EMX2: variants seen among roughly 807,000 people sequenced by gnomAD.
The protein encoded by EMX2 is empty spiracles homeobox 2, also known as homeobox protein EMX2.
A neutral mutation model predicts 23.0 loss-of-function variants in EMX2; 6 were observed. That is an observed-to-expected ratio of 0.26 (90% CI 0.14 to 0.52). EMX2 has a LOEUF of 0.52. Ranked by LOEUF, EMX2 falls within the 20% of genes least tolerant of loss-of-function variation. The pLI is 0.97. For missense variants in EMX2, 302 were observed against 341.4 expected (o/e 0.88, Z 0.91); for synonymous variants, 175 against 153.3 (o/e 1.14, Z -1.04).
intron 2 of EMX2, among the ~76,000 whole-genome samples, chr10:117,547,695 T>C (rs1846599116): frequency 6.6e-6 from 1 of 152,250 alleles, no homozygotes; most frequent in Non-Finnish European, 1.5e-5. Flanking sequence ...ATGTCTCTTT[T>C]TCTTTTAATC....
rs1187128667 is a variant in EMX2, at chr10:117,549,217, T to C, written c.*985T>C. The C allele has an allele frequency of 6.6e-6, 1 of 152,624 alleles. No individual in the cohort carries two copies. Among genetic ancestry groups the C allele is most frequent in the Admixed American group, 6.5e-5 (1 of 15,282 alleles). 9.5% of individuals were successfully genotyped at this position (152,624 alleles called of 1,614,324 possible). ...TGATGCAAACTTCTCCTTTCAGTGG[T>C]TGGAGAAATTGGCCGAGTTCAACCA... On this transcript the variant is annotated 3_prime_UTR_variant, in exon 3 of 3. Coordinates refer to ENST00000553456, the MANE Select transcript of EMX2 (RefSeq NM_004098.4).
chr10:117,545,965 GTC>G, intron 2 of EMX2, 149 bp downstream of exon 2: 1 of 1,151,502 alleles, frequency 8.7e-7, no homozygotes, highest in Non-Finnish European at 1.2e-6. Flanking sequence ...CGGGATGTAT[GTC>G]TCAAGGTGCT....
chr10:117,547,533 C>T (rs905829824), intron 2 of EMX2, among the ~76,000 whole-genome samples: 2 of 152,182 alleles, frequency 1.3e-5, no homozygotes, highest in African/African-American at 4.8e-5. Flanking sequence ...TGATCGCCTA[C>T]CCAGGGCCCC....
Position 117,544,196 on chromosome 10 carries a change from C to T in EMX2, c.406+523C>T, listed in dbSNP as rs74159309. 1,613 of 176,732 alleles carry T rather than the reference C, an allele frequency of 9.1e-3. 23 individuals are homozygous for T. Among genetic ancestry groups the T allele is most frequent in the African/African-American group, 0.036 (1,492 of 41,726 alleles). 10.9% of individuals were successfully genotyped at this position (176,732 alleles called of 1,614,324 possible). On this transcript the variant is annotated intron_variant, in intron 1 of 2. Coordinates refer to ENST00000553456, the MANE Select transcript of EMX2 (RefSeq NM_004098.4). ...TGGAGGCGAGAGGATCCTCGCGCCC[C>T]GGGAGAAAAGTATGGGATTTGTTTT...
At chr10:117,544,080 G>C (rs931465344) in intron 1 of EMX2, among the ~76,000 whole-genome samples, 1 of 152,258 alleles carries the variant, frequency 6.6e-6, no homozygotes, top group Non-Finnish European at 1.5e-5. Context: ...TCGGCCGCCA[G>C]GCTTGCTTTC....
At chr10:117,547,534 C>G (rs1454602677) in intron 2 of EMX2, among the ~76,000 whole-genome samples, 2 of 152,276 alleles carry the variant, frequency 1.3e-5, no homozygotes, top group African/African-American at 4.8e-5. Context: ...GATCGCCTAC[C>G]CAGGGCCCCC....
chr10:117,545,930 T>C (rs1846572762), intron 2 of EMX2, 114 bp downstream of exon 2: 1 of 1,432,078 alleles, frequency 7.0e-7, no homozygotes, highest in Admixed American at 1.9e-5. Flanking sequence ...GCACAGGTCC[T>C]GGTAGCTGGT....
chr10:117,546,998 T>C (rs1846587766), intron 2 of EMX2, among the ~76,000 whole-genome samples: 1 of 152,176 alleles, frequency 6.6e-6, no homozygotes, highest in Non-Finnish European at 1.5e-5. Context: ...CCAGATAGAA[T>C]AGGAGTTGTG....
intron 1 of EMX2, among the ~76,000 whole-genome samples, chr10:117,544,131 T>G (rs563280265): frequency 6.6e-6 from 1 of 152,330 alleles, no homozygotes; most frequent in African/African-American, 2.4e-5. Context: ...TTGCGCCCCT[T>G]CAGTCCAGAC....
At chr10:117,544,922 C>T (rs1385524187) in intron 1 of EMX2, 3 of 152,168 alleles carry the variant, frequency 2.0e-5, no homozygotes, top group Non-Finnish European at 4.4e-5. Context: ...CTGGGATCTT[C>T]CTGCGTTACA....
chr10:117,543,501 G>T lies in EMX2; in HGVS notation c.234G>T (p.Pro78=). 6.5e-7 allele frequency: 1 copy of T among 1,546,248 alleles called. No individual in the cohort carries two copies. The change falls in exon 1 of 3, where the codon CCG becomes CCT. Residue 78 remains proline, a synonymous_variant. Transcript: ENST00000553456. ...DLVFAEAVSH[P]PNPAVPVHPV... The stretch of plus-strand genomic sequence containing the variant: ...TGTTCGCCGAGGCGGTCTCGCACCC[G>T]CCCAACCCCGCCGTGCCAGTGCACC...
Position 117,543,508 on chromosome 10 carries a change from C to A in EMX2, c.241C>A (p.Pro81Thr), listed in dbSNP as rs776990556. ...CGAGGCGGTCTCGCACCCGCCCAAC[C>A]CCGCCGTGCCAGTGCACCCGGTGCC... The part of the protein sequence containing the change: ...FAEAVSHPPN[P>T]AVPVHPVPPP... The change falls in exon 1 of 3, where the codon CCC becomes ACC. Residue 81 changes from proline (P) to threonine (T), a missense_variant. Pro to Thr is a conservative substitution (Grantham distance 38). This residue lies in a region of EMX2 where 221 missense variants were observed against 206.8 expected (regional missense o/e 1.07). Coordinates refer to ENST00000553456, the MANE Select transcript of EMX2 (RefSeq NM_004098.4). 6.2e-7 allele frequency: 1 copy of A among 1,610,090 alleles called. No homozygotes were observed. The highest frequency in any genetic ancestry group is 8.5e-7 in the Non-Finnish European group (1 of 1,178,374).
intron 2 of EMX2, 81 bp downstream of exon 2, chr10:117,545,897 A>G (rs1291045209): frequency 6.3e-7 from 1 of 1,591,570 alleles, no homozygotes; most frequent in African/African-American, 1.3e-5. Flanking sequence ...ACCCATGAGC[A>G]CGGAGCTCTG....
rs1483169795 is a variant in EMX2, at chr10:117,548,679, A to G, written c.*447A>G. On this transcript the variant is annotated 3_prime_UTR_variant, in exon 3 of 3. Coordinates refer to ENST00000553456, the MANE Select transcript of EMX2 (RefSeq NM_004098.4). ...TTTATCACAGTCCACTTAAAAAATG[A>G]TGATGATGATAAAAACCACGACCCA... The G allele has an allele frequency of 4.8e-6, 2 of 415,068 alleles. No individual in the cohort carries two copies. The highest frequency in any genetic ancestry group is 4.0e-5 in the Admixed American group (1 of 25,214). 25.7% of individuals were successfully genotyped at this position (415,068 alleles called of 1,614,324 possible).
chr10:117,546,655 C>G (rs1207254299), intron 2 of EMX2, among the ~76,000 whole-genome samples: 1 of 152,252 alleles, frequency 6.6e-6, no homozygotes, highest in African/African-American at 2.4e-5. Context: ...AGGCGCGGCC[C>G]GGCTGATTTC....
intron 1 of EMX2, among the ~76,000 whole-genome samples, chr10:117,544,128 C>G (rs996869772): frequency 1.3e-5 from 2 of 152,230 alleles, no homozygotes; most frequent in African/African-American, 2.4e-5. Flanking sequence ...ACTTTGCGCC[C>G]CTTCAGTCCA....
intron 2 of EMX2, among the ~76,000 whole-genome samples, chr10:117,546,607 C>A (rs1399452267): frequency 6.6e-6 from 1 of 152,232 alleles, no homozygotes; most frequent in Non-Finnish European, 1.5e-5. Context: ...ACCCCAAAAC[C>A]GAGGAGGGCC....
chr10:117,545,884 C>A, intron 2 of EMX2, 68 bp downstream of exon 2: 1 of 1,604,584 alleles, frequency 6.2e-7, no homozygotes. Context: ...GGCTCCCAAG[C>A]ACACCCATGA....
At position 117,548,828 on chromosome 10, in the gene EMX2, T is replaced by C. The variant is rs2133971792; in HGVS notation, c.*596T>C. The C allele has an allele frequency of 7.5e-6, 3 of 399,892 alleles. No homozygotes were observed. The East Asian group carries it at 1.1e-4, about 14-fold the overall frequency. 24.8% of individuals were successfully genotyped at this position (399,892 alleles called of 1,614,324 possible). On this transcript the variant is annotated 3_prime_UTR_variant, in exon 3 of 3. Coordinates refer to ENST00000553456, the MANE Select transcript of EMX2 (RefSeq NM_004098.4). Reference sequence around the variant, plus strand: ...CCATCCCACACCTGTTTCAAATCCTTGAAATGCATGTAGCAGTTGTTGGGC... The same window carrying C: ...CCATCCCACACCTGTTTCAAATCCTCGAAATGCATGTAGCAGTTGTTGGGC...
Sources: gnomAD v4.1 joint callset for allele counts (sites outside exome capture counted in the v4.1 genomes callset) on GRCh38, gnomAD v4.1.1 for gene constraint, gnomAD v4.1.1 regional missense constraint, MANE v1.5 for transcripts, NCBI Gene and HGNC (gene_info 2026-07-23, HGNC 2026-07-21) for gene names.